The following DPH6 variants were observed in gnomAD, a reference collection of about 807,000 sequenced individuals.
DPH6 encodes diphthine--ammonia ligase.
DPH6 carries 33 observed loss-of-function variants against 38.2 expected under a neutral mutation model. The ratio of observed to expected loss-of-function variants is 0.86; its 90% confidence interval spans 0.65 to 1.15. The LOEUF (loss-of-function observed/expected upper bound fraction) is 1.15. DPH6 is among the 50% of genes most tolerant of loss of function. The pLI, the probability that DPH6 is intolerant of heterozygous loss-of-function variation, is 0.00. For missense variants in DPH6, 325 were observed against 320.0 expected, an observed-to-expected ratio of 1.02 and a Z score of -0.12; for synonymous variants, 108 against 103.0, an observed-to-expected ratio of 1.05 and a Z score of -0.30.
chr15:35,168,769 A>C, the DPH6 span, among the ~76,000 whole-genome samples: 1 of 152,240 alleles, frequency 6.6e-6, no homozygotes. Flanking sequence ...AAGGAAATAC[A>C]TTTTACTAGG....
intron 3 of DPH6, among the ~76,000 whole-genome samples, chr15:35,530,994 C>T (rs113459186): frequency 0.015 from 2,230 of 152,270 alleles, 62 homozygotes; most frequent in African/African-American, 0.052. Context: ...GGGCTTGAGG[C>T]AAGCTGTGCA....
chr15:35,498,007 C>T (rs887583024), intron 3 of DPH6, among the ~76,000 whole-genome samples: 1 of 152,138 alleles, frequency 6.6e-6, no homozygotes, highest in Non-Finnish European at 1.5e-5. Context: ...AGAAGGAAGA[C>T]TATGCAATAT....
At chr15:35,475,999 ACT>A (rs1358196312) in intron 3 of DPH6, among the ~76,000 whole-genome samples, 1 of 151,788 alleles carries the variant, frequency 6.6e-6, no homozygotes, top group Non-Finnish European at 1.5e-5. Context: ...TTAAGACATC[ACT>A]CTGAGTAGCT....
chr15:35,332,664 C>A (rs2052334801), intron 3 of DPH6, among the ~76,000 whole-genome samples: 1 of 151,962 alleles, frequency 6.6e-6, no homozygotes, highest in East Asian at 1.9e-4. Flanking sequence ...TAGTAATATT[C>A]AATAATTAGT....
downstream of DPH6, among the ~76,000 whole-genome samples, chr15:35,367,257 A>G (rs149369484): frequency 1.8e-3 from 272 of 152,018 alleles, no homozygotes; most frequent in Non-Finnish European, 3.0e-3. Context: ...AGTAGGGAAC[A>G]TTAATAAAAT....
intron 6 of DPH6, among the ~76,000 whole-genome samples, chr15:35,396,702 A>G (rs936280957): frequency 1.3e-5 from 2 of 152,146 alleles, no homozygotes; most frequent in Non-Finnish European, 2.9e-5. Context: ...TAGCCATTGG[A>G]TGTCTCAATC....
At chr15:35,150,891 T>C in the DPH6 span, among the ~76,000 whole-genome samples, 1 of 152,234 alleles carries the variant, frequency 6.6e-6, no homozygotes, top group Admixed American at 6.5e-5. Flanking sequence ...GGTTTTTTTC[T>C]GGTTTACATT....
chr15:35,304,249 C>T (rs145646831), intron 3 of DPH6, among the ~76,000 whole-genome samples: 355 of 152,212 alleles, frequency 2.3e-3, no homozygotes, highest in African/African-American at 8.3e-3. Context: ...GATTATATTA[C>T]AGATTCCTGA....
At chr15:35,245,820 G>A (rs1461791012) in intron 3 of DPH6, among the ~76,000 whole-genome samples, 1 of 152,146 alleles carries the variant, frequency 6.6e-6, no homozygotes, top group Middle Eastern at 3.2e-3. Context: ...TATAGGACAT[G>A]AAAATTAGAG....
intron 3 of DPH6, among the ~76,000 whole-genome samples, chr15:35,504,105 C>G (rs1418426989): frequency 6.6e-6 from 1 of 152,032 alleles, no homozygotes; most frequent in East Asian, 1.9e-4. Flanking sequence ...CTCTGTACCT[C>G]CTACACAGTA....
chr15:35,413,183 T>C (rs1298916085), intron 5 of DPH6, among the ~76,000 whole-genome samples: 1 of 151,714 alleles, frequency 6.6e-6, no homozygotes, highest in Non-Finnish European at 1.5e-5. Context: ...AGTTTCCTTG[T>C]GGTCTAGAGC....
At chr15:35,364,474 C>A (rs139983052) in intron 3 of DPH6, among the ~76,000 whole-genome samples, 18 of 151,974 alleles carry the variant, frequency 1.2e-4, no homozygotes, top group African/African-American at 3.9e-4. Flanking sequence ...ATGAATAAAC[C>A]ACAACTGAAC....
chr15:35,498,942 T>A (rs933128271), intron 3 of DPH6, among the ~76,000 whole-genome samples: 2 of 116,824 alleles, frequency 1.7e-5, no homozygotes, highest in Non-Finnish European at 3.3e-5. Context: ...GCCTCATCTC[T>A]TAAAAAAAAA....
chr15:35,262,868 C>T (rs1465905411), intron 3 of DPH6, among the ~76,000 whole-genome samples: 1 of 152,116 alleles, frequency 6.6e-6, no homozygotes, highest in Admixed American at 6.5e-5. Flanking sequence ...TGCTACATTA[C>T]TCTCATGCTT....
intron 3 of DPH6, chr15:35,237,361 G>C (rs538354993): frequency 3.1e-4 from 494 of 1,598,580 alleles, no homozygotes; most frequent in Non-Finnish European, 3.7e-4. Context: ...TAGAGCTGCG[G>C]AACAGGACGC....
chr15:35,460,431 A>G (rs1369215813), intron 3 of DPH6, among the ~76,000 whole-genome samples: 1 of 152,134 alleles, frequency 6.6e-6, no homozygotes, highest in East Asian at 1.9e-4. Flanking sequence ...CAAAGACTGG[A>G]CCCTAAATAG....
chr15:35,365,533 T>C (rs2052650506), intron 3 of DPH6, among the ~76,000 whole-genome samples: 1 of 152,118 alleles, frequency 6.6e-6, no homozygotes, highest in South Asian at 2.1e-4. Context: ...AGTAAAAAGC[T>C]GAATTGGTTA....
chr15:35,434,138 A>G (rs764346953), intron 5 of DPH6, among the ~76,000 whole-genome samples: 13 of 152,208 alleles, frequency 8.5e-5, no homozygotes, highest in Non-Finnish European at 1.6e-4. Flanking sequence ...AAAAAAATAC[A>G]GCAGGCCAGT....
At chr15:35,525,161 C>T (rs1347720766) in intron 3 of DPH6, among the ~76,000 whole-genome samples, 1 of 152,090 alleles carries the variant, frequency 6.6e-6, no homozygotes, top group Non-Finnish European at 1.5e-5. Flanking sequence ...TAAGTACCCA[C>T]AAAAGTAAAT....
Sources: gnomAD v4.1 joint callset for allele counts (sites outside exome capture counted in the v4.1 genomes callset) on GRCh38, gnomAD v4.1.1 for gene constraint, MANE v1.5 for transcripts, NCBI Gene and HGNC (gene_info 2026-07-23, HGNC 2026-07-21) for gene names.